PPP1R12B: variants seen among roughly 807,000 people sequenced by gnomAD.
PPP1R12B encodes protein phosphatase 1 regulatory subunit 12B, also known as myosin phosphatase target subunit 2.
PPP1R12B carries 76 observed loss-of-function variants against 126.1 expected under a neutral mutation model. That is an observed-to-expected ratio of 0.60 (90% CI 0.50 to 0.73). The LOEUF (loss-of-function observed/expected upper bound fraction) is 0.73. PPP1R12B is among the 30% of genes least tolerant of loss of function. The pLI is 0.00. For synonymous variants in PPP1R12B, 356 were observed against 434.7 expected (o/e 0.82, Z 2.25); for missense variants, 1,052 against 1,205.1 (o/e 0.87, Z 1.88).
At chr1:202,395,341 C>T (rs1664809870) in intron 1 of PPP1R12B, among the ~76,000 whole-genome samples, 1 of 152,090 alleles carries the variant, frequency 6.6e-6, no homozygotes, top group African/African-American at 2.4e-5. Context: ...ACTTCCTGAG[C>T]ATTATTTCTT....
chr1:202,559,976 CAA>C (rs941400044), intron 19 of PPP1R12B, among the ~76,000 whole-genome samples: 23 of 152,130 alleles, frequency 1.5e-4, no homozygotes, highest in African/African-American at 5.5e-4. Context: ...CAAGAATAAA[CAA>C]AGAGACCTAT....
intron 1 of PPP1R12B, among the ~76,000 whole-genome samples, chr1:202,413,561 T>G (rs1033804622): frequency 6.6e-6 from 1 of 152,182 alleles, no homozygotes; most frequent in African/African-American, 2.4e-5. Context: ...TAAGAAATCA[T>G]TTAGGACTCC....
rs557066266 is a variant in PPP1R12B at position 202,370,702 on chromosome 1, A to T, written c.291+21560A>T. 7.5e-4 allele frequency among the ~76,000 whole-genome samples: 114 copies of T among 151,792 alleles called. 1 individual carries two copies. The highest frequency in any genetic ancestry group is 2.6e-3 in the African/African-American group (106 of 41,356). On this transcript the variant is annotated intron_variant, in intron 1 of 23. Coordinates refer to ENST00000608999, the MANE Select transcript of PPP1R12B (RefSeq NM_002481.4). ...CAGGCGCCTGCCACCACACCCAACT[A>T]ATTTTTTGTACTTTTAGTAGAGGCA... is the stretch of plus-strand genomic sequence containing the variant.
intron 23 of PPP1R12B, among the ~76,000 whole-genome samples, chr1:202,578,714 C>T (rs1689318395): frequency 6.6e-6 from 1 of 152,236 alleles, no homozygotes; most frequent in Admixed American, 6.5e-5. Flanking sequence ...TGTCAACACA[C>T]TTCCACATCT....
Position 202,412,953 on chromosome 1 carries a change from T to C in PPP1R12B, c.292-3834T>C, listed in dbSNP as rs569210162. Among the ~76,000 whole-genome samples, 7 of 152,342 alleles carry C rather than the reference T, an allele frequency of 4.6e-5. No individual in the cohort carries two copies. The East Asian group carries it at 1.3e-3, about 29-fold the overall frequency. ...ACCAATTTAGTGATAAGCATACTTATGAACTATTTGTAAATATGATGAATA... is the reference window on the plus strand; with the variant it reads ...ACCAATTTAGTGATAAGCATACTTACGAACTATTTGTAAATATGATGAATA... On this transcript the variant is annotated intron_variant, in intron 1 of 23. Transcript: ENST00000608999.
Position 202,437,982 on chromosome 1 carries a change from T to C in PPP1R12B, c.1416T>C (p.Ser472=). The change falls in exon 10 of 24, where the codon TCT becomes TCC. Residue 472 remains serine (S), a synonymous_variant. Coordinates refer to ENST00000608999, the MANE Select transcript of PPP1R12B (RefSeq NM_002481.4). Reference sequence around the variant, plus strand: ...GAGGCTCTTCCATCTATCGCTCCTCTTCAAGCCCTCGGATTTCTGCTCTAC... The same window carrying C: ...GAGGCTCTTCCATCTATCGCTCCTCCTCAAGCCCTCGGATTTCTGCTCTAC... ...RDRGSSIYRS[S]SSPRISALLD... The C allele has an allele frequency of 6.2e-7, 1 of 1,614,102 alleles. No individual in the cohort carries two copies. The highest frequency in any genetic ancestry group is 1.1e-5 in the South Asian group (1 of 91,078).
chr1:202,463,973 T>G (rs1674651403), intron 13 of PPP1R12B, among the ~76,000 whole-genome samples: 2 of 152,218 alleles, frequency 1.3e-5, no homozygotes, highest in Non-Finnish European at 2.9e-5. Flanking sequence ...TACATTTTAC[T>G]TTCATGACCC....
chr1:202,439,252 C>A, intron 10 of PPP1R12B: 1 of 1,377,052 alleles, frequency 7.3e-7, no homozygotes, highest in Non-Finnish European at 1.0e-6. Context: ...AATATCAAGG[C>A]TGTCCTCCAC....
chr1:202,580,265 G>A (rs775642224), intron 23 of PPP1R12B, among the ~76,000 whole-genome samples: 1 of 152,254 alleles, frequency 6.6e-6, no homozygotes, highest in Non-Finnish European at 1.5e-5. Flanking sequence ...AAAAGATGGA[G>A]TGGCTATAAT....
intron 13 of PPP1R12B, among the ~76,000 whole-genome samples, chr1:202,461,207 A>AG (rs1674269753): frequency 1.3e-5 from 2 of 152,082 alleles, no homozygotes; most frequent in East Asian, 1.9e-4. Flanking sequence ...AAAAAAAAAA[A>AG]AAGAATAGTC....
At chr1:202,555,138 T>A (rs535004165) in intron 18 of PPP1R12B, among the ~76,000 whole-genome samples, 1 of 152,096 alleles carries the variant, frequency 6.6e-6, no homozygotes, top group East Asian at 1.9e-4. Context: ...TCATACAGTA[T>A]AAACAGCCAT....
intron 1 of PPP1R12B, among the ~76,000 whole-genome samples, chr1:202,402,451 G>A (rs1665987719): frequency 1.3e-5 from 2 of 152,172 alleles, no homozygotes; most frequent in African/African-American, 4.8e-5. Flanking sequence ...GCTATGTTTT[G>A]TTGTATCATT....
chr1:202,555,836 T>C lies in PPP1R12B; in HGVS notation c.2491-3041T>C, dbSNP rs557440260. ...TCCTTGAACCAAAGGTACGAAGTTT[T>C]AACTTGGTACTCTAACCAGCATCAA... On this transcript the variant is annotated intron_variant, in intron 18 of 23. Transcript: ENST00000608999. 8.5e-5 allele frequency among the ~76,000 whole-genome samples: 13 copies of C among 152,260 alleles called. No homozygotes were observed. In the South Asian group the frequency reaches 2.7e-3, roughly 32 times the overall value.
At chr1:202,518,165 A>G (rs1290652354) in intron 18 of PPP1R12B, among the ~76,000 whole-genome samples, 1 of 152,244 alleles carries the variant, frequency 6.6e-6, no homozygotes, top group South Asian at 2.1e-4. Context: ...GGGGGATTTT[A>G]TGCACAGAAA....
chr1:202,524,176 T>C (rs1659555739), intron 18 of PPP1R12B, among the ~76,000 whole-genome samples: 1 of 152,168 alleles, frequency 6.6e-6, no homozygotes, highest in Non-Finnish European at 1.5e-5. Flanking sequence ...GGTTAGATTC[T>C]GGATATATTT....
chr1:202,414,930 G>T (rs567972704), intron 1 of PPP1R12B, among the ~76,000 whole-genome samples: 1 of 151,930 alleles, frequency 6.6e-6, no homozygotes, highest in Non-Finnish European at 1.5e-5. Context: ...CTACACGTGC[G>T]TGCCACCATG....
chr1:202,450,663 G>A (rs1672815154), intron 13 of PPP1R12B, among the ~76,000 whole-genome samples: 1 of 152,284 alleles, frequency 6.6e-6, no homozygotes, highest in East Asian at 1.9e-4. Context: ...TCAAAAATGA[G>A]TTCACTGTAG....
chr1:202,527,326 C>T (rs1411742003), intron 18 of PPP1R12B: 1 of 152,110 alleles, frequency 6.6e-6, no homozygotes, highest in South Asian at 2.1e-4. Context: ...CTTCAAGGTC[C>T]CTTAAAGCAA....
intron 13 of PPP1R12B, among the ~76,000 whole-genome samples, chr1:202,473,183 A>G (rs1224906435): frequency 1.3e-5 from 2 of 152,238 alleles, no homozygotes; most frequent in Admixed American, 6.5e-5. Flanking sequence ...AGAGAGGCCA[A>G]AAATGACACA....
Sources: allele counts gnomAD v4.1 joint callset (sites outside exome capture counted in the v4.1 genomes callset), GRCh38; gene constraint gnomAD v4.1.1; transcripts MANE v1.5; gene names NCBI Gene and HGNC (gene_info 2026-07-23, HGNC 2026-07-21).